Variants in ATP9B observed in about 807,000 individuals in gnomAD.
ATP9B encodes ATPase phospholipid transporting 9B.
A neutral mutation model predicts 146.1 loss-of-function variants in ATP9B; 110 were observed. The ratio of observed to expected loss-of-function variants is 0.75; its 90% CI spans 0.65 to 0.88. The LOEUF is 0.88. ATP9B is among the 40% of genes least tolerant of loss of function. The probability of loss-of-function intolerance (pLI) is 0.00; values close to 1 mark genes in which losing one functional copy is unlikely to be tolerated. For missense variants in ATP9B, 1,499 were observed against 1,496.4 expected (o/e 1.00, Z -0.03); for synonymous variants, 604 against 569.7 (o/e 1.06, Z -0.86).
chr18:79,207,844 A>C (rs1474640486), intron 10 of ATP9B, among the ~76,000 whole-genome samples: 1 of 152,140 alleles, frequency 6.6e-6, no homozygotes, highest in Non-Finnish European at 1.5e-5. Flanking sequence ...TCCTGTCCTC[A>C]GGGAGCTTAT....
chr18:79,329,030 C>G, intron 15 of ATP9B, 111 bp from the exon 16 acceptor site: 1 of 1,183,772 alleles, frequency 8.4e-7, no homozygotes, highest in South Asian at 2.2e-5. Flanking sequence ...CACCTAAGTT[C>G]TTCTGCAGCT....
chr18:79,291,975 G>A (rs959028081), intron 13 of ATP9B, among the ~76,000 whole-genome samples: 1 of 152,182 alleles, frequency 6.6e-6, no homozygotes, highest in Non-Finnish European at 1.5e-5. Context: ...GGCGTTCCAC[G>A]TAAATGAGTC....
At chr18:79,156,053 C>T (rs1397293831) in intron 7 of ATP9B, among the ~76,000 whole-genome samples, 1 of 152,130 alleles carries the variant, frequency 6.6e-6, no homozygotes, top group Non-Finnish European at 1.5e-5. Context: ...TGAGTCACTG[C>T]ACCCGGCCAA....
chr18:79,199,112 G>T (rs192490397), intron 9 of ATP9B, among the ~76,000 whole-genome samples: 1 of 151,776 alleles, frequency 6.6e-6, no homozygotes, highest in African/African-American at 2.4e-5. Flanking sequence ...CTGCCACGCC[G>T]GGCTAATTTT....
At position 79,345,566 on chromosome 18, in the gene ATP9B, G is replaced by T. The variant is rs754617060; in HGVS notation, c.2611G>T (p.Ala871Ser). ...LQQHTGRRTC[A>S]IGDGGNDVSM... ...GCAGCACACAGGGAGACGCACCTGC[G>T]CCATCGGTGAGAGCCGCCCACCCTG... Residue 871 changes from alanine to serine, a missense_variant, in exon 22 of 30, where the codon GCC (alanine) becomes TCC (serine). Ala to Ser is a moderately conservative substitution (Grantham distance 99). Transcript: ENST00000426216. 2 of 1,607,878 alleles carry T rather than the reference G, an allele frequency of 1.2e-6. No homozygotes were observed. The highest frequency in any genetic ancestry group is 1.7e-6 in the Non-Finnish European group (2 of 1,179,786).
chr18:79,279,721 A>G (rs754151954), intron 13 of ATP9B, among the ~76,000 whole-genome samples: 6 of 152,236 alleles, frequency 3.9e-5, no homozygotes, highest in Non-Finnish European at 8.8e-5. Flanking sequence ...TTAAAATTTG[A>G]AAGCCCTTAA....
intron 15 of ATP9B, among the ~76,000 whole-genome samples, chr18:79,317,201 A>G (rs60965471): frequency 0.025 from 3,760 of 152,302 alleles, 156 homozygotes; most frequent in African/African-American, 0.085. Context: ...AGCAAGAAAA[A>G]GTTTGGCAAT....
intron 2 of ATP9B, 86 bp downstream of exon 2, chr18:79,096,735 T>A: frequency 3.7e-6 from 4 of 1,074,996 alleles, no homozygotes; most frequent in Non-Finnish European, 5.2e-6. Flanking sequence ...GCTATATTAA[T>A]ATAAAAACTC....
rs190367425 is a variant in ATP9B, at chr18:79,167,733, A to G, written c.779-9080A>G. Among the ~76,000 whole-genome samples the G allele has an allele frequency of 7.2e-4, 109 of 152,296 alleles. 1 individual carries two copies. The East Asian group carries it at 0.018, about 26-fold the overall frequency. ...CTATCCGATTGGCTGTATGGTCATCAATGAAGTCCTCACTTCCGGCAGTGG... is the reference window on the plus strand; with the variant it reads ...CTATCCGATTGGCTGTATGGTCATCGATGAAGTCCTCACTTCCGGCAGTGG... On this transcript the variant is annotated intron_variant, in intron 7 of 29. Coordinates refer to ENST00000426216, the MANE Select transcript of ATP9B (RefSeq NM_198531.5).
intron 12 of ATP9B, among the ~76,000 whole-genome samples, chr18:79,264,108 AC>A (rs2096175914): frequency 6.6e-6 from 1 of 152,258 alleles, no homozygotes; most frequent in East Asian, 1.9e-4. Flanking sequence ...GGAAAAAAAA[AC>A]ATATCTAGGA....
At chr18:79,215,116 C>T (rs2095615516) in intron 11 of ATP9B, among the ~76,000 whole-genome samples, 1 of 146,056 alleles carries the variant, frequency 6.8e-6, no homozygotes, top group African/African-American at 2.6e-5. Flanking sequence ...CCATTGCACT[C>T]CAGCCTGGGC....
intron 8 of ATP9B, among the ~76,000 whole-genome samples, chr18:79,190,797 C>T (rs569005958): frequency 2.3e-4 from 35 of 152,240 alleles, no homozygotes; most frequent in African/African-American, 6.3e-4. Flanking sequence ...CCACCTGCCA[C>T]GGCCTCCCAA....
At chr18:79,208,572 G>T (rs2148365577) in intron 10 of ATP9B, among the ~76,000 whole-genome samples, 1 of 152,248 alleles carries the variant, frequency 6.6e-6, no homozygotes, top group African/African-American at 2.4e-5. Flanking sequence ...TAGCTTTTTG[G>T]ATGATAGAAT....
intron 4 of ATP9B, among the ~76,000 whole-genome samples, chr18:79,123,132 T>G (rs1363500081): frequency 6.6e-6 from 1 of 151,996 alleles, no homozygotes; most frequent in Non-Finnish European, 1.5e-5. Context: ...GGACTGTCTA[T>G]CTCTAGTCAC....
chr18:79,320,260 C>G (rs924694671), intron 15 of ATP9B, among the ~76,000 whole-genome samples: 3 of 152,164 alleles, frequency 2.0e-5, no homozygotes, highest in Non-Finnish European at 4.4e-5. Flanking sequence ...GGGAAGGAGC[C>G]CGGACCTGGG....
chr18:79,170,654 T>C (rs1320259782), intron 7 of ATP9B, among the ~76,000 whole-genome samples: 1 of 152,224 alleles, frequency 6.6e-6, no homozygotes, highest in Non-Finnish European at 1.5e-5. Flanking sequence ...AATTGTTGTT[T>C]CTGAGTTTAA....
At chr18:79,258,284 A>G (rs2096104446) in intron 12 of ATP9B, among the ~76,000 whole-genome samples, 1 of 152,092 alleles carries the variant, frequency 6.6e-6, no homozygotes. Context: ...ACAAAAATTA[A>G]CCAAGCATGG....
intron 7 of ATP9B, among the ~76,000 whole-genome samples, chr18:79,155,952 C>T (rs371393457): frequency 2.6e-5 from 4 of 151,514 alleles, no homozygotes; most frequent in East Asian, 1.9e-4. Flanking sequence ...TTAGTAGAGA[C>T]GGGGTTTCAC....
At chr18:79,325,746 G>A (rs943608300) in intron 15 of ATP9B, among the ~76,000 whole-genome samples, 25 of 152,156 alleles carry the variant, frequency 1.6e-4, no homozygotes, top group African/African-American at 3.4e-4. Context: ...ACACCATCGC[G>A]ATCCCTGGCT....
Sources: allele counts gnomAD v4.1 joint callset (sites outside exome capture counted in the v4.1 genomes callset), GRCh38; gene constraint gnomAD v4.1.1; transcripts MANE v1.5; gene names NCBI Gene and HGNC (gene_info 2026-07-23, HGNC 2026-07-21).